EFCC1: variants seen among roughly 807,000 people sequenced by gnomAD.
EFCC1 encodes EF-hand and coiled-coil domain containing 1.
A neutral mutation model predicts 52.1 loss-of-function variants in EFCC1; 50 were observed. The observed-to-expected ratio is 0.96, with a 90% confidence interval of 0.76 to 1.21. EFCC1 has a LOEUF of 1.21. Among genes scored for constraint, EFCC1 ranks in the 50% most tolerant of loss-of-function variants. The probability of loss-of-function intolerance (pLI) is 0.00; values close to 1 mark genes in which losing one functional copy is unlikely to be tolerated. For missense variants in EFCC1, 837 were observed against 867.3 expected, an observed-to-expected ratio of 0.97 and a Z score of 0.44; for synonymous variants, 399 against 396.5, an observed-to-expected ratio of 1.01 and a Z score of -0.08.
intron 2 of EFCC1, among the ~76,000 whole-genome samples, chr3:129,005,927 C>T (rs1311562580): frequency 6.6e-6 from 1 of 152,268 alleles, no homozygotes; most frequent in Non-Finnish European, 1.5e-5. Context: ...AGGGGCTCTT[C>T]TTTGTTTATT....
At position 129,001,585 on chromosome 3, in the gene EFCC1, G is replaced by A; in HGVS notation, c.-44G>A. ...CCGCCCCTGGAAGTGGCGGGGCGAA[G>A]GGACCGGAGGAGGGACCGGAGGAGC... On this transcript the variant is annotated 5_prime_UTR_variant, in exon 1 of 8. Transcript: ENST00000683648. The A allele has an allele frequency of 6.7e-6, 9 of 1,346,498 alleles. No homozygotes were observed. The highest frequency in any genetic ancestry group is 8.5e-6 in the Non-Finnish European group (9 of 1,055,086). The allele number at this position is 1,346,498 out of a possible 1,614,324, so 83.4% of individuals were successfully genotyped here.
At chr3:129,039,623 T>C in intron 7 of EFCC1, 89 bp from the exon 8 acceptor site, 1 of 1,502,398 alleles carries the variant, frequency 6.7e-7, no homozygotes. Flanking sequence ...CGGGTAAGAG[T>C]GGCTGGGTCT....
rs76711995 is a variant in EFCC1, at chr3:129,003,035, G to A, written c.696+711G>A. Among the ~76,000 whole-genome samples, 471 of 152,304 alleles carry A rather than the reference G, an allele frequency of 3.1e-3. 6 individuals carry two copies. The Middle Eastern group carries it at 0.037, about 12-fold the overall frequency. On this transcript the variant is annotated intron_variant, in intron 1 of 7. Coordinates refer to ENST00000683648, the MANE Select transcript of EFCC1 (RefSeq NM_001377500.1). Reference sequence around the variant, plus strand: ...CGAGCACCAAGGGCAGTGCTGGGCCGCAGGGGTCAGAGGAGGAAAGGAACA... The same window carrying A: ...CGAGCACCAAGGGCAGTGCTGGGCCACAGGGGTCAGAGGAGGAAAGGAACA...
rs76992059 is a variant in EFCC1, at chr3:129,022,509, C to T, written c.981-8194C>T. ...TCTGGCCCTTGTCAGATTGTATAAG[C>T]CCCTGGGCTGGCGGCCAGATGTGGC... On this transcript the variant is annotated intron_variant, in intron 2 of 7. Transcript: ENST00000683648. 4.6e-3 allele frequency among the ~76,000 whole-genome samples: 706 copies of T among 152,288 alleles called. 12 individuals are homozygous for T. In the East Asian group the frequency reaches 0.051, roughly 11 times the overall value.
At chr3:129,004,302 CATCT>C (rs1053959698) in intron 2 of EFCC1, among the ~76,000 whole-genome samples, 4 of 152,008 alleles carry the variant, frequency 2.6e-5, no homozygotes, top group Admixed American at 1.3e-4. Context: ...TTTATCCATC[CATCT>C]GTCCATCCAT....
At position 129,003,980 on chromosome 3, in the gene EFCC1, AGCCT is replaced by A; in HGVS notation, c.886_889del (p.Leu296ThrfsTer42). 1 of 1,491,502 alleles carries A rather than the reference AGCCT, an allele frequency of 6.7e-7. No individual in the cohort carries two copies. The highest frequency in any genetic ancestry group is 2.9e-5 in the East Asian group (1 of 34,878). 92.4% of individuals were successfully genotyped at this position (1,491,502 alleles called of 1,614,324 possible). ...GGAGGCCCGGCAGGTGGTGCTGCGCAGCCTGCACCGCGTGCGAGAGCTGGAGGCG... is the reference window on the plus strand; with the variant it reads ...GGAGGCCCGGCAGGTGGTGCTGCGCAGCACCGCGTGCGAGAGCTGGAGGCG... On this transcript the variant is annotated frameshift_variant, in exon 2 of 8. Coordinates refer to ENST00000683648, the MANE Select transcript of EFCC1 (RefSeq NM_001377500.1). LOFTEE classifies it high-confidence loss of function.
chr3:129,030,526 G>A (rs1946250803), intron 2 of EFCC1, 177 bp from the exon 3 acceptor site: 1 of 630,330 alleles, frequency 1.6e-6, no homozygotes, highest in Middle Eastern at 4.9e-4. Flanking sequence ...CCATGCCTGT[G>A]CCCTAGCTGC....
Position 129,016,954 on chromosome 3 carries a change from A to C in EFCC1, c.980+12877A>C, listed in dbSNP as rs1945612084. Among the ~76,000 whole-genome samples the C allele has an allele frequency of 2.0e-5, 3 of 152,310 alleles. No homozygotes were observed. In the South Asian group the frequency reaches 6.2e-4, roughly 32 times the overall value. On this transcript the variant is annotated intron_variant, in intron 2 of 7. Transcript: ENST00000683648. ...ATTTATTATCTCATGTGAGAAGTCC[A>C]GGGGAGAGCAGTTCCTTGGCAGTTC...
chr3:129,015,679 C>T (rs745868421), intron 2 of EFCC1, among the ~76,000 whole-genome samples: 1 of 152,104 alleles, frequency 6.6e-6, no homozygotes, highest in Non-Finnish European at 1.5e-5. Flanking sequence ...GGGGGGTTCC[C>T]GAATTCAGGT....
rs1253077602 is a variant in EFCC1 at position 129,039,813 on chromosome 3, G to T, written c.1765G>T (p.Ala589Ser). ...RQPSAPASAA[A>S]ALTNPLLVSC ...GCCCTCGGCACCAGCCTCTGCAGCA[G>T]CTGCGCTCACCAACCCCCTCCTCGT... The change falls in exon 8 of 8, where the codon GCT becomes TCT. Residue 589 changes from alanine (A) to serine (S), a missense_variant. Physicochemically the swap from Ala to Ser is moderately conservative, Grantham distance 99 (BLOSUM62 1). Coordinates refer to ENST00000683648, the MANE Select transcript of EFCC1 (RefSeq NM_001377500.1). 6.2e-7 allele frequency: 1 copy of T among 1,611,334 alleles called. No individual in the cohort carries two copies. Among genetic ancestry groups the T allele is most frequent in the East Asian group, 2.2e-5 (1 of 44,694 alleles).
chr3:129,036,832 G>A (rs991258270), intron 5 of EFCC1, 145 bp from the exon 6 acceptor site: 89 of 1,162,936 alleles, frequency 7.7e-5, no homozygotes, highest in Non-Finnish European at 1.1e-5. Flanking sequence ...TCTTACATCA[G>A]TCCAACCCGC....
chr3:129,039,762 G>C lies in EFCC1; in HGVS notation c.1714G>C (p.Ala572Pro). 2.5e-6 allele frequency: 4 copies of C among 1,611,922 alleles called. No individual in the cohort carries two copies. The highest frequency in any genetic ancestry group is 3.4e-6 in the Non-Finnish European group (4 of 1,178,818). Residue 572 changes from alanine to proline, a missense_variant, in exon 8 of 8, where the codon GCT (alanine) becomes CCT (proline). Ala to Pro is a conservative substitution (Grantham distance 27). Transcript: ENST00000683648. Reference protein sequence around the residue: ...AILDALHQALAACQLLRRQPS... With the variant: ...AILDALHQALPACQLLRRQPS... Reference sequence around the variant, plus strand: ...CCTGGATGCCCTGCACCAAGCCTTGGCTGCCTGCCAGCTGTTGCGGAGACA... The same window carrying C: ...CCTGGATGCCCTGCACCAAGCCTTGCCTGCCTGCCAGCTGTTGCGGAGACA...
intron 3 of EFCC1, among the ~76,000 whole-genome samples, chr3:129,031,486 C>T (rs1946272272): frequency 6.6e-6 from 1 of 152,164 alleles, no homozygotes; most frequent in Non-Finnish European, 1.5e-5. Context: ...CACCCCGGAT[C>T]TCTGCATGTG....
intron 1 of EFCC1, 61 bp downstream of exon 1, chr3:129,002,385 G>T: frequency 3.4e-6 from 5 of 1,474,742 alleles, no homozygotes; most frequent in Non-Finnish European, 4.5e-6. Flanking sequence ...ACTAAAAGCT[G>T]GCTGGCTGCG....
chr3:129,017,109 C>T (rs970632880), intron 2 of EFCC1, among the ~76,000 whole-genome samples: 4 of 152,218 alleles, frequency 2.6e-5, no homozygotes, highest in African/African-American at 9.7e-5. Context: ...GCCATATCCA[C>T]GGGTCCTCCT....
intron 2 of EFCC1, among the ~76,000 whole-genome samples, chr3:129,019,842 C>A (rs1365139304): frequency 1.4e-5 from 2 of 145,762 alleles, no homozygotes; most frequent in Non-Finnish European, 3.0e-5. Flanking sequence ...GATCTCAGCT[C>A]ACTGCAACCT....
At chr3:129,004,950 T>C (rs1046564621) in intron 2 of EFCC1, among the ~76,000 whole-genome samples, 1 of 152,146 alleles carries the variant, frequency 6.6e-6, no homozygotes, top group African/African-American at 2.4e-5. Flanking sequence ...GGAACACAGA[T>C]TGGGGTCCCT....
At chr3:129,033,105 A>AG in intron 4 of EFCC1, 139 bp downstream of exon 4, 1 of 1,305,748 alleles carries the variant, frequency 7.7e-7, no homozygotes, top group Non-Finnish European at 1.0e-6. Context: ...CTTGTCCCTC[A>AG]GGGGGAGGTG....
At position 129,037,147 on chromosome 3, in the gene EFCC1, G is replaced by A. The variant is rs1946367221; in HGVS notation, c.1593+30G>A. 1.1e-5 allele frequency: 18 copies of A among 1,580,284 alleles called. No individual in the cohort carries two copies. The East Asian group carries it at 4.1e-4, about 36-fold the overall frequency. On this transcript the variant is annotated intron_variant, in intron 6 of 7. Coordinates refer to ENST00000683648, the MANE Select transcript of EFCC1 (RefSeq NM_001377500.1). Reference sequence around the variant, plus strand: ...GCTCACGGGAGAGCTGCCACACTCAGGGAAGGGAAAGGAGCTCTTGGGAGG... The same window carrying A: ...GCTCACGGGAGAGCTGCCACACTCAAGGAAGGGAAAGGAGCTCTTGGGAGG...
Sources: gnomAD v4.1 joint callset for allele counts (sites outside exome capture counted in the v4.1 genomes callset) on GRCh38, gnomAD v4.1.1 for gene constraint, MANE v1.5 for transcripts, NCBI Gene and HGNC (gene_info 2026-07-23, HGNC 2026-07-21) for gene names.